Variants in LURAP1L observed in about 807,000 individuals in gnomAD.
The protein encoded by LURAP1L is leucine rich adaptor protein 1-like.
In LURAP1L, 12 loss-of-function variants were observed where a neutral mutation model predicts 13.8. That is an observed-to-expected ratio of 0.87 (90% CI 0.56 to 1.41). The LOEUF (loss-of-function observed/expected upper bound fraction) is 1.41, where lower values mean the gene tolerates loss of function less well. LURAP1L is among the 40% of genes most tolerant of loss of function. LURAP1L has a pLI of 0.00. For synonymous variants in LURAP1L, 139 were observed against 119.2 expected (o/e 1.17, Z -1.08); for missense variants, 375 against 292.9 (o/e 1.28, Z -2.04).
Position 12,777,578 on chromosome 9 carries a change from A to AT in LURAP1L, c.312+1555dup, listed in dbSNP as rs553832700. On this transcript the variant is annotated intron_variant, in intron 1 of 1. Transcript: ENST00000319264. ...TAATAAATAAATCTTGTTGAAACATATTTTCTTTCTCAGTAGCTCACTGAT... is the reference window on the plus strand; with the variant it reads ...TAATAAATAAATCTTGTTGAAACATATTTTTCTTTCTCAGTAGCTCACTGAT... 2.8e-3 allele frequency: 2,711 copies of AT among 976,636 alleles called. 5 individuals are homozygous for AT. The highest frequency in any genetic ancestry group is 0.014 in the Middle Eastern group (26 of 1,904). 60.5% of individuals were successfully genotyped at this position (976,636 alleles called of 1,614,324 possible). A position where few individuals can be genotyped will look rare whatever the true frequency, so the allele number is the denominator to read the frequency against.
At chr9:12,793,137 C>G (rs570652204) in intron 1 of LURAP1L, among the ~76,000 whole-genome samples, 1 of 151,968 alleles carries the variant, frequency 6.6e-6, no homozygotes, top group Non-Finnish European at 1.5e-5. Context: ...AGAAGTAGAT[C>G]TTGAAATTTC....
At chr9:12,802,634 A>G (rs1819602488) in intron 1 of LURAP1L, among the ~76,000 whole-genome samples, 1 of 152,162 alleles carries the variant, frequency 6.6e-6, no homozygotes, top group Admixed American at 6.5e-5. Flanking sequence ...ATTTCTTTAT[A>G]GCAACATGAG....
chr9:12,817,220 T>A (rs182896497), intron 1 of LURAP1L, among the ~76,000 whole-genome samples: 18 of 152,312 alleles, frequency 1.2e-4, no homozygotes, highest in African/African-American at 3.9e-4. Context: ...AAGCTACTTT[T>A]TTTTTCCCTC....
chr9:12,805,075 C>A (rs1819638740), intron 1 of LURAP1L, among the ~76,000 whole-genome samples: 1 of 151,928 alleles, frequency 6.6e-6, no homozygotes, highest in African/African-American at 2.4e-5. Flanking sequence ...AATGACAAAA[C>A]AAGGAAAATT....
chr9:12,787,446 G>C (rs1196476246), intron 1 of LURAP1L, among the ~76,000 whole-genome samples: 1 of 152,172 alleles, frequency 6.6e-6, no homozygotes, highest in East Asian at 1.9e-4. Context: ...TAGTCTATTA[G>C]TATAAAAAAA....
At chr9:12,776,488 G>A (rs977371969) in intron 1 of LURAP1L, among the ~76,000 whole-genome samples, 5 of 151,948 alleles carry the variant, frequency 3.3e-5, no homozygotes, top group Admixed American at 2.6e-4. Context: ...GGCGTGGCAG[G>A]GTCCTTGCAG....
intron 1 of LURAP1L, among the ~76,000 whole-genome samples, chr9:12,813,722 T>C (rs903409246): frequency 1.3e-5 from 2 of 152,196 alleles, no homozygotes; most frequent in Admixed American, 6.6e-5. Flanking sequence ...GCTGACATCA[T>C]TGATGAACCA....
At chr9:12,809,472 G>A (rs1819708101) in intron 1 of LURAP1L, among the ~76,000 whole-genome samples, 1 of 152,066 alleles carries the variant, frequency 6.6e-6, no homozygotes, top group African/African-American at 2.4e-5. Context: ...ATTTTCATTT[G>A]TTTCCTTCTT....
At chr9:12,796,825 G>C (rs538921997) in intron 1 of LURAP1L, among the ~76,000 whole-genome samples, 2 of 150,934 alleles carry the variant, frequency 1.3e-5, no homozygotes, top group African/African-American at 4.9e-5. Flanking sequence ...CTTTCTAGTT[G>C]TATGACTTGA....
chr9:12,782,505 C>G (rs1819286789), intron 1 of LURAP1L, among the ~76,000 whole-genome samples: 1 of 152,094 alleles, frequency 6.6e-6, no homozygotes, highest in South Asian at 2.1e-4. Flanking sequence ...ATCTTTTCTC[C>G]AGTGTATGTT....
intron 1 of LURAP1L, among the ~76,000 whole-genome samples, chr9:12,776,350 C>T (rs753684274): frequency 1.3e-5 from 2 of 152,110 alleles, no homozygotes; most frequent in Non-Finnish European, 2.9e-5. Context: ...GGCACCAGCC[C>T]GTTGAGAGTT....
intron 1 of LURAP1L, among the ~76,000 whole-genome samples, chr9:12,800,591 G>A (rs1006537565): frequency 1.3e-5 from 2 of 151,834 alleles, no homozygotes; most frequent in African/African-American, 4.8e-5. Flanking sequence ...CTCATTTGTT[G>A]AATTTAAATT....
chr9:12,789,498 T>A (rs1430592818), intron 1 of LURAP1L, among the ~76,000 whole-genome samples: 1 of 152,176 alleles, frequency 6.6e-6, no homozygotes, highest in Non-Finnish European at 1.5e-5. Context: ...TGAGCGCCCC[T>A]ACACAGATGC....
intron 1 of LURAP1L, among the ~76,000 whole-genome samples, chr9:12,815,847 G>A (rs995825054): frequency 6.6e-5 from 10 of 152,128 alleles, no homozygotes; most frequent in African/African-American, 2.4e-4. Context: ...GTTTGTCTTG[G>A]AGTGGAATAC....
At chr9:12,791,715 C>G (rs2118491746) in intron 1 of LURAP1L, among the ~76,000 whole-genome samples, 1 of 148,204 alleles carries the variant, frequency 6.7e-6, no homozygotes, top group East Asian at 2.0e-4. Context: ...CACACACACA[C>G]TTTTTCTTAA....
chr9:12,781,176 G>A (rs1046345748), intron 1 of LURAP1L, among the ~76,000 whole-genome samples: 1 of 152,028 alleles, frequency 6.6e-6, no homozygotes, highest in Admixed American at 6.6e-5. Context: ...TCTCCACGTT[G>A]GTCAGGCTGG....
intron 1 of LURAP1L, among the ~76,000 whole-genome samples, chr9:12,796,253 T>G (rs1222407261): frequency 6.6e-6 from 1 of 152,016 alleles, no homozygotes; most frequent in African/African-American, 2.4e-5. Context: ...TGATAAATAT[T>G]TTAAAGTACA....
chr9:12,791,096 T>G (rs189722315), intron 1 of LURAP1L, among the ~76,000 whole-genome samples: 11 of 152,230 alleles, frequency 7.2e-5, no homozygotes, highest in Admixed American at 6.6e-4. Flanking sequence ...CTGAGGTGTC[T>G]GAAGCAGTTG....
chr9:12,781,671 A>C (rs1052491302), intron 1 of LURAP1L, among the ~76,000 whole-genome samples: 2 of 152,204 alleles, frequency 1.3e-5, no homozygotes, highest in Non-Finnish European at 2.9e-5. Context: ...TGATGGACAC[A>C]GGTTGCTTGT....
Sources: allele counts gnomAD v4.1 joint callset (sites outside exome capture counted in the v4.1 genomes callset), GRCh38; gene constraint gnomAD v4.1.1; transcripts MANE v1.5; gene names NCBI Gene and HGNC (gene_info 2026-07-23, HGNC 2026-07-21).